The following LRRIQ3 variants were observed in gnomAD, a reference collection of about 807,000 sequenced individuals.
LRRIQ3 encodes the protein leucine rich repeats and IQ motif containing 3.
LRRIQ3 carries 75 observed loss-of-function variants against 59.3 expected under a neutral mutation model. That is an observed-to-expected ratio of 1.26 (90% CI 1.05 to 1.53). LRRIQ3 has a LOEUF of 1.53. LRRIQ3 is among the 40% of genes most tolerant of loss of function. LRRIQ3 has a pLI of 0.00. For synonymous variants in LRRIQ3, 250 were observed against 231.3 expected (o/e 1.08, Z -0.73); for missense variants, 831 against 710.0 (o/e 1.17, Z -1.94).
Position 74,182,971 on chromosome 1 carries a change from T to A in LRRIQ3, c.250-110A>T, listed in dbSNP as rs180823248. 2.7e-5 allele frequency: 16 copies of A among 582,338 alleles called. No individual in the cohort carries two copies. In the East Asian group the frequency reaches 4.2e-4, roughly 15 times the overall value. 36.1% of individuals were successfully genotyped at this position (582,338 alleles called of 1,614,324 possible). A position where few individuals can be genotyped will look rare whatever the true frequency, so the allele number is the denominator to read the frequency against. ...ATTCAATATTCCCCAAATAGCAAGT[T>A]TCTAATTAATAAGCAAACAGAGTAT... On this transcript the variant is annotated intron_variant, in intron 2 of 7. Transcript: ENST00000354431.
In LRRIQ3 at chr1:74,041,612, A is replaced by G; in HGVS notation, c.1319T>C (p.Val440Ala). 1 of 1,613,756 alleles carries G rather than the reference A, an allele frequency of 6.2e-7. No homozygotes were observed. Among genetic ancestry groups the G allele is most frequent in the Admixed American group, 1.7e-5 (1 of 59,986 alleles). ...QKKQEYHKEK[V>A]RVVAMAQVAR... The stretch of plus-strand genomic sequence containing the variant: ...AACTTGTGCCATGGCTACAACTCTT[A>G]CTTTTTCTTTATGGTATTCCTGCTT... The change falls in exon 7 of 8, where the codon GTA (valine) becomes GCA (alanine). Residue 440 changes from valine (V) to alanine (A), a missense_variant. Transcript: ENST00000354431.
chr1:74,134,277 A>T (rs1385926033), intron 4 of LRRIQ3, among the ~76,000 whole-genome samples: 2 of 152,028 alleles, frequency 1.3e-5, no homozygotes, highest in African/African-American at 4.8e-5. Context: ...AATGATAATA[A>T]ATATAAATAA....
intron 5 of LRRIQ3, 122 bp downstream of exon 5, chr1:74,109,272 G>A: frequency 1.3e-6 from 1 of 747,622 alleles, no homozygotes; most frequent in Non-Finnish European, 2.2e-6. Flanking sequence ...ATATAAAGCA[G>A]GATATTAACA....
At chr1:74,164,883 G>A (rs1648881865) in intron 3 of LRRIQ3, among the ~76,000 whole-genome samples, 1 of 151,388 alleles carries the variant, frequency 6.6e-6, no homozygotes, top group Non-Finnish European at 1.5e-5. Flanking sequence ...TTTTGGCTAT[G>A]GATACCCAAT....
At chr1:74,077,445 AAAC>A (rs1002239122) in intron 5 of LRRIQ3, among the ~76,000 whole-genome samples, 6 of 151,886 alleles carry the variant, frequency 4.0e-5, no homozygotes, top group African/African-American at 1.4e-4. Flanking sequence ...CCCCTGAAAA[AAAC>A]AAGAACCCCC....
At chr1:74,144,479 G>GT (rs533046525) in intron 4 of LRRIQ3, 5,290 of 245,150 alleles carry the variant, frequency 0.022, no homozygotes, top group South Asian at 0.039. Flanking sequence ...GAAAAAAAAT[G>GT]TTTTTTTTTT....
At chr1:74,060,007 T>G (rs567487525) in intron 6 of LRRIQ3, among the ~76,000 whole-genome samples, 8 of 152,242 alleles carry the variant, frequency 5.3e-5, no homozygotes, top group African/African-American at 7.2e-5. Flanking sequence ...TATTTGCGTA[T>G]TTTTATACTT....
At chr1:74,031,502 T>G (rs1044344544) in intron 7 of LRRIQ3, among the ~76,000 whole-genome samples, 1 of 151,296 alleles carries the variant, frequency 6.6e-6, no homozygotes, top group African/African-American at 2.4e-5. Context: ...CTCAGCAAAC[T>G]ATCACAAGGA....
intron 5 of LRRIQ3, among the ~76,000 whole-genome samples, chr1:74,089,000 G>A (rs916646921): frequency 6.6e-6 from 1 of 151,844 alleles, no homozygotes; most frequent in Admixed American, 6.6e-5. Context: ...AATGATCAAA[G>A]GATTTAAATA....
intron 4 of LRRIQ3, among the ~76,000 whole-genome samples, chr1:74,123,032 T>G (rs1014846325): frequency 1.3e-5 from 2 of 152,264 alleles, no homozygotes; most frequent in East Asian, 3.9e-4. Context: ...TTTGAGAGAA[T>G]AAACATTTAG....
At chr1:74,028,514 C>T (rs1003293092) in intron 7 of LRRIQ3, among the ~76,000 whole-genome samples, 7 of 151,838 alleles carry the variant, frequency 4.6e-5, no homozygotes, top group South Asian at 2.1e-4. Flanking sequence ...AGCAACAAGA[C>T]GGGAAGAAAG....
chr1:74,195,971 T>G (rs949691423), intron 1 of LRRIQ3, among the ~76,000 whole-genome samples: 1 of 152,036 alleles, frequency 6.6e-6, no homozygotes, highest in Non-Finnish European at 1.5e-5. Context: ...CCACGGAAAT[T>G]TACTCCTACT....
intron 4 of LRRIQ3, among the ~76,000 whole-genome samples, chr1:74,130,198 A>C (rs1646992318): frequency 6.6e-6 from 1 of 152,000 alleles, no homozygotes; most frequent in African/African-American, 2.4e-5. Flanking sequence ...TGTGGTCTAG[A>C]CTGCCTTTCA....
chr1:74,182,081 T>A (rs1358178990), intron 3 of LRRIQ3: 1 of 151,966 alleles, frequency 6.6e-6, no homozygotes, highest in Admixed American at 6.6e-5. Context: ...TGGTATCAAC[T>A]TTTCACAATC....
intron 5 of LRRIQ3, among the ~76,000 whole-genome samples, chr1:74,097,772 T>A (rs1429167337): frequency 6.6e-6 from 1 of 152,078 alleles, no homozygotes; most frequent in African/African-American, 2.4e-5. Context: ...AAGAAAAGAA[T>A]TTTCAACCCA....
At position 74,182,761 on chromosome 1, in the gene LRRIQ3, A is replaced by G. The variant is rs778187541; in HGVS notation, c.350T>C (p.Val117Ala). ...AATGAGGGTTGGACAGGCAGATAAT[A>G]CACATATATTCTTTAACTTTGCAAA... is the stretch of plus-strand genomic sequence containing the variant. The part of the protein sequence containing the change: ...NGFAKLKNIC[V>A]LSACPTLIAL... The change falls in exon 3 of 8, where the codon GTA (valine) becomes GCA (alanine). Residue 117 changes from valine to alanine, a missense_variant. Val to Ala is a moderately conservative substitution (Grantham distance 64). Transcript: ENST00000354431. 1.2e-6 allele frequency: 2 copies of G among 1,612,016 alleles called. No homozygotes were observed. Among genetic ancestry groups the G allele is most frequent in the South Asian group, 2.2e-5 (2 of 90,958 alleles).
At chr1:74,150,302 A>G (rs776423876) in intron 4 of LRRIQ3, among the ~76,000 whole-genome samples, 2 of 152,200 alleles carry the variant, frequency 1.3e-5, no homozygotes, top group African/African-American at 2.4e-5. Context: ...CACATAAAAA[A>G]CAAAACTTCT....
intron 5 of LRRIQ3, among the ~76,000 whole-genome samples, chr1:74,105,444 G>C (rs1247009765): frequency 6.6e-6 from 1 of 151,592 alleles, no homozygotes; most frequent in Non-Finnish European, 1.5e-5. Flanking sequence ...TAGAGATGGG[G>C]GTCTCACAAT....
intron 1 of LRRIQ3, among the ~76,000 whole-genome samples, chr1:74,191,146 C>T (rs1368117137): frequency 2.0e-5 from 3 of 152,120 alleles, no homozygotes; most frequent in South Asian, 2.1e-4. Context: ...GTTCCATTAA[C>T]AATTCGAGAT....
Sources: allele counts gnomAD v4.1 joint callset (sites outside exome capture counted in the v4.1 genomes callset), GRCh38; gene constraint gnomAD v4.1.1; transcripts MANE v1.5; gene names NCBI Gene and HGNC (gene_info 2026-07-23, HGNC 2026-07-21).